The following EFCAB13 variants were observed in gnomAD, a reference collection of about 807,000 sequenced individuals.
EFCAB13 encodes EF-hand calcium binding domain 13, also known as EF-hand calcium-binding domain-containing protein 13.
In EFCAB13, 91 loss-of-function variants were observed where a neutral mutation model predicts 110.2. That is an observed-to-expected ratio of 0.83 (90% CI 0.70 to 0.98). The LOEUF (loss-of-function observed/expected upper bound fraction) is 0.98. EFCAB13 is among the 50% of genes least tolerant of loss of function. The pLI is 0.00. For missense variants in EFCAB13, 968 were observed against 1,119.4 expected (o/e 0.86, Z 1.93); for synonymous variants, 323 against 369.9 (o/e 0.87, Z 1.45).
At chr17:47,368,825 G>A (rs2065564329) in intron 10 of EFCAB13, among the ~76,000 whole-genome samples, 1 of 152,164 alleles carries the variant, frequency 6.6e-6, no homozygotes, top group Admixed American at 6.5e-5. Flanking sequence ...CCACACTAAA[G>A]AATGCTGACA....
At chr17:47,345,589 G>C (rs2065410597) in intron 8 of EFCAB13, among the ~76,000 whole-genome samples, 1 of 152,116 alleles carries the variant, frequency 6.6e-6, no homozygotes, top group Admixed American at 6.5e-5. Context: ...CCAAATGGGT[G>C]ACTCATACTT....
At chr17:47,349,923 C>T (rs2065439941) in intron 9 of EFCAB13, among the ~76,000 whole-genome samples, 1 of 151,066 alleles carries the variant, frequency 6.6e-6, no homozygotes, top group Admixed American at 6.6e-5. Context: ...TACAGGTGCC[C>T]GCCACCGCGC....
chr17:47,395,037 G>A lies in EFCAB13; in HGVS notation c.1802-797G>A, dbSNP rs553071882. ...GGACCTTATATCCCTTTACCCCTCC[G>A]CTTTCTCCTAATCCATCAGTCTCCT... On this transcript the variant is annotated intron_variant, in intron 16 of 24. Coordinates refer to ENST00000331493, the MANE Select transcript of EFCAB13 (RefSeq NM_152347.5). 6.6e-5 allele frequency among the ~76,000 whole-genome samples: 10 copies of A among 151,772 alleles called. No individual in the cohort carries two copies. The East Asian group carries it at 9.7e-4, about 15-fold the overall frequency.
intron 14 of EFCAB13, among the ~76,000 whole-genome samples, chr17:47,387,999 T>C (rs759710334): frequency 6.6e-6 from 1 of 152,186 alleles, no homozygotes; most frequent in African/African-American, 2.4e-5. Context: ...TGTCTATAGG[T>C]TCATGCTGAG....
At chr17:47,368,949 C>A (rs574698385) in intron 10 of EFCAB13, among the ~76,000 whole-genome samples, 5 of 152,264 alleles carry the variant, frequency 3.3e-5, no homozygotes, top group African/African-American at 1.2e-4. Flanking sequence ...CAGCAATTTC[C>A]CACTTAAAGG....
intron 5 of EFCAB13, among the ~76,000 whole-genome samples, chr17:47,335,965 A>G (rs763253228): frequency 2.0e-5 from 3 of 152,216 alleles, no homozygotes; most frequent in Non-Finnish European, 2.9e-5. Flanking sequence ...GTGGAAGCCT[A>G]TAAGTAAGCT....
Position 47,374,584 on chromosome 17 carries a change from T to C in EFCAB13, c.990T>C (p.Pro330=). The change falls in exon 12 of 25, where the codon CCT becomes CCC. Residue 330 remains proline (P), a synonymous_variant. Coordinates refer to ENST00000331493, the MANE Select transcript of EFCAB13 (RefSeq NM_152347.5). The part of the protein sequence containing the change: ...KKKNSLSSKL[P]EPSISKKLNK... ...AAAATAGTTTGTCTTCCAAACTCCCTGAACCTTCAATATCCAAAAAGTTAA... is the reference window on the plus strand; with the variant it reads ...AAAATAGTTTGTCTTCCAAACTCCCCGAACCTTCAATATCCAAAAAGTTAA... The C allele has an allele frequency of 6.2e-7, 1 of 1,603,724 alleles. No homozygotes were observed.
In EFCAB13 at chr17:47,418,880, G is replaced by T. The variant is rs1904537876; in HGVS notation, c.2494+3961G>T. On this transcript the variant is annotated intron_variant, in intron 23 of 24. Transcript: ENST00000331493. ...TCATAGATGTATGGGTTTATTTCTG[G>T]ACTCTCAATTCTATTCCTTTTATAT... is the stretch of plus-strand genomic sequence containing the variant. 2.0e-5 allele frequency among the ~76,000 whole-genome samples: 3 copies of T among 152,014 alleles called. No individual in the cohort carries two copies. In the South Asian group the frequency reaches 6.2e-4, roughly 32 times the overall value.
chr17:47,395,707 A>G (rs2065733133), intron 16 of EFCAB13, 127 bp from the exon 17 acceptor site: 4 of 623,384 alleles, frequency 6.4e-6, no homozygotes, highest in African/African-American at 1.9e-5. Context: ...TTGGCAATTC[A>G]TTTATGCTAT....
chr17:47,389,925 G>A (rs1295233239), intron 14 of EFCAB13, among the ~76,000 whole-genome samples: 1 of 150,724 alleles, frequency 6.6e-6, no homozygotes, highest in African/African-American at 2.4e-5. Context: ...TCACAAGATA[G>A]GGACATGTAT....
At chr17:47,351,577 C>G (rs1208774321) in intron 9 of EFCAB13, among the ~76,000 whole-genome samples, 2 of 152,032 alleles carry the variant, frequency 1.3e-5, no homozygotes, top group African/African-American at 4.8e-5. Context: ...ATTTATATAT[C>G]TTCTTTTGAA....
At chr17:47,357,945 A>G (rs1484999056) in intron 9 of EFCAB13, among the ~76,000 whole-genome samples, 1 of 151,976 alleles carries the variant, frequency 6.6e-6, no homozygotes, top group Non-Finnish European at 1.5e-5. Context: ...ATATTCCTTG[A>G]TTTTTCAAGT....
At chr17:47,427,391 T>C (rs1450097515) in intron 23 of EFCAB13, among the ~76,000 whole-genome samples, 1 of 152,108 alleles carries the variant, frequency 6.6e-6, no homozygotes, top group Non-Finnish European at 1.5e-5. Flanking sequence ...AGAATATCAG[T>C]GGAATTTGAA....
In EFCAB13 at chr17:47,386,198, A is replaced by G. The variant is rs142844712; in HGVS notation, c.1583-5239A>G. Among the ~76,000 whole-genome samples, 483 of 152,336 alleles carry G rather than the reference A, an allele frequency of 3.2e-3. 1 individual carries two copies. Among genetic ancestry groups the G allele is most frequent in the Non-Finnish European group, 4.4e-3 (301 of 68,026 alleles). On this transcript the variant is annotated intron_variant, in intron 14 of 24. Coordinates refer to ENST00000331493, the MANE Select transcript of EFCAB13 (RefSeq NM_152347.5). ...CTTGTCAGGATCTGCTGCTCTCTTC[A>G]GAGTCAGCAGGCAGGAACGTTTAAA...
chr17:47,408,449 G>T (rs983909278), intron 20 of EFCAB13, among the ~76,000 whole-genome samples: 3 of 152,074 alleles, frequency 2.0e-5, no homozygotes, highest in Admixed American at 2.0e-4. Flanking sequence ...TCAGGAGTTT[G>T]AGAGCAATCT....
At chr17:47,384,250 C>T (rs188385731) in intron 14 of EFCAB13, among the ~76,000 whole-genome samples, 180 of 150,020 alleles carry the variant, frequency 1.2e-3, no homozygotes, top group Non-Finnish European at 2.0e-3. Flanking sequence ...AGATGGGTCT[C>T]CTGAATACAT....
chr17:47,385,845 T>C (rs963482051), intron 14 of EFCAB13, among the ~76,000 whole-genome samples: 17 of 152,230 alleles, frequency 1.1e-4, no homozygotes, highest in Admixed American at 1.1e-3. Context: ...ATGATGTTAC[T>C]GCTTTCTGTT....
intron 4 of EFCAB13, among the ~76,000 whole-genome samples, chr17:47,329,342 A>G (rs965976388): frequency 1.3e-5 from 2 of 152,094 alleles, no homozygotes; most frequent in African/African-American, 4.8e-5. Context: ...TTAGGGCTCA[A>G]GTGAAATTCA....
rs560555583 is a variant in EFCAB13 at position 47,329,490 on chromosome 17, A to G, written c.30+1107A>G. On this transcript the variant is annotated intron_variant, in intron 4 of 24. Coordinates refer to ENST00000331493, the MANE Select transcript of EFCAB13 (RefSeq NM_152347.5). ...TGAAAAGTGCTGAGATATGTACTTTATATCATATATATACACATATATACA... is the reference window on the plus strand; with the variant it reads ...TGAAAAGTGCTGAGATATGTACTTTGTATCATATATATACACATATATACA... Among the ~76,000 whole-genome samples the G allele has an allele frequency of 6.6e-5, 10 of 152,332 alleles. No individual in the cohort carries two copies. In the South Asian group the frequency reaches 2.1e-3, roughly 32 times the overall value.
Sources: allele counts gnomAD v4.1 joint callset (sites outside exome capture counted in the v4.1 genomes callset), GRCh38; gene constraint gnomAD v4.1.1; transcripts MANE v1.5; gene names NCBI Gene and HGNC (gene_info 2026-07-23, HGNC 2026-07-21).